TOMM70: variants seen among roughly 807,000 people sequenced by gnomAD.
The protein encoded by TOMM70 is mitochondrial import receptor subunit TOM70.
TOMM70 carries 13 observed loss-of-function variants against 73.6 expected under a neutral mutation model. The ratio of observed to expected loss-of-function variants is 0.18; its 90% confidence interval spans 0.11 to 0.28. The LOEUF (loss-of-function observed/expected upper bound fraction) is 0.28, where lower values mean the gene tolerates loss of function less well. Among genes scored for constraint, TOMM70 ranks in the 10% least tolerant of loss-of-function variants. TOMM70 has a pLI of 1.00. For synonymous variants in TOMM70, 257 were observed against 271.2 expected (o/e 0.95, Z 0.51); for missense variants, 609 against 747.5 (o/e 0.81, Z 2.16).
intron 4 of TOMM70, 90 bp downstream of exon 4, chr3:100,384,389 C>T: frequency 1.2e-6 from 1 of 838,634 alleles, no homozygotes; most frequent in Non-Finnish European, 1.8e-6. Context: ...TTGCCATTAC[C>T]ACTATGCCTA....
intron 11 of TOMM70, among the ~76,000 whole-genome samples, chr3:100,367,782 A>T (rs1473796029): frequency 1.3e-5 from 2 of 152,242 alleles, no homozygotes; most frequent in Non-Finnish European, 1.5e-5. Context: ...CTCTGATTTT[A>T]AAGAAAATTC....
intron 8 of TOMM70, among the ~76,000 whole-genome samples, chr3:100,373,112 G>A (rs1379765750): frequency 2.0e-5 from 3 of 147,488 alleles, no homozygotes; most frequent in African/African-American, 5.0e-5. Flanking sequence ...CTAACTGGAA[G>A]TATCTTATTT....
rs867422809 is a variant in TOMM70, at chr3:100,365,668, C to T, written c.1723G>A (p.Ala575Thr). ...TGGGCCATCTCCATTTCCGATTTGGCCAGGTTAATAGCTTTGTTGAACATG... is the reference window on the plus strand; with the variant it reads ...TGGGCCATCTCCATTTCCGATTTGGTCAGGTTAATAGCTTTGTTGAACATG... ...IDMFNKAINL[A>T]KSEMEMAHLY... The change falls in exon 12 of 12, where the codon GCC (alanine) becomes ACC (threonine). Residue 575 changes from alanine (A) to threonine (T), a missense_variant. This residue lies in a region of TOMM70 where 432 missense variants were observed against 584.1 expected (regional missense o/e 0.74). Transcript: ENST00000284320. 1 of 1,614,162 alleles carries T rather than the reference C, an allele frequency of 6.2e-7. No homozygotes were observed. Among genetic ancestry groups the T allele is most frequent in the Non-Finnish European group, 8.5e-7 (1 of 1,180,022 alleles).
intron 10 of TOMM70, among the ~76,000 whole-genome samples, 197 bp downstream of exon 10, chr3:100,368,841 A>C (rs1045781553): frequency 1.3e-5 from 2 of 152,090 alleles, no homozygotes; most frequent in African/African-American, 4.8e-5. Flanking sequence ...CTCCCAAAGT[A>C]CTAGGATTAC....
intron 9 of TOMM70, among the ~76,000 whole-genome samples, chr3:100,370,169 T>C (rs1483214706): frequency 1.3e-5 from 2 of 152,184 alleles, no homozygotes; most frequent in Non-Finnish European, 2.9e-5. Flanking sequence ...ATATAGAAAG[T>C]AGAAATATTT....
rs115567521 is a variant in TOMM70 at position 100,393,202 on chromosome 3, A to G, written c.325-6224T>C. On this transcript the variant is annotated intron_variant, in intron 1 of 11. Coordinates refer to ENST00000284320, the MANE Select transcript of TOMM70 (RefSeq NM_014820.5). ...AAAAAAAAAAAAAAAAAGATAGGGA[A>G]CCAACCTAAGTGCCCACTGATAAAA... 1.8e-3 allele frequency among the ~76,000 whole-genome samples: 278 copies of G among 152,128 alleles called. 1 individual carries two copies. Among genetic ancestry groups the G allele is most frequent in the African/African-American group, 6.4e-3 (267 of 41,512 alleles).
At chr3:100,382,198 A>C (rs1004302046) in intron 4 of TOMM70, among the ~76,000 whole-genome samples, 1 of 152,228 alleles carries the variant, frequency 6.6e-6, no homozygotes, top group Non-Finnish European at 1.5e-5. Context: ...TTTTAAATAA[A>C]TAAGTTTTAA....
intron 2 of TOMM70, 30 bp downstream of exon 2, chr3:100,386,774 AG>A (rs1559833815): frequency 6.3e-7 from 1 of 1,586,244 alleles, no homozygotes; most frequent in Non-Finnish European, 8.5e-7. Flanking sequence ...GAGAAAGAAA[AG>A]GAACAGAAGA....
chr3:100,397,330 A>G (rs2148895489), intron 1 of TOMM70, among the ~76,000 whole-genome samples: 1 of 152,366 alleles, frequency 6.6e-6, no homozygotes, highest in Middle Eastern at 3.4e-3. Context: ...GTAGTCTTTC[A>G]ATATTTACTG....
intron 3 of TOMM70, 106 bp from the exon 4 acceptor site, chr3:100,384,694 G>A: frequency 1.5e-6 from 1 of 657,114 alleles, no homozygotes; most frequent in Admixed American, 3.2e-5. Flanking sequence ...TAAATTCATG[G>A]CCAAATGGGA....
Position 100,384,471 on chromosome 3 carries a change from C to A in TOMM70, c.735+8G>T. On this transcript the variant is annotated splice_region_variant and intron_variant, in intron 4 of 11. Coordinates refer to ENST00000284320, the MANE Select transcript of TOMM70 (RefSeq NM_014820.5). ...TACTCCCCCATTCCCCAAATCAGAT[C>A]AATTTACCTTATATTTTTCTTTGGC... 6.3e-7 allele frequency: 1 copy of A among 1,587,308 alleles called. No individual in the cohort carries two copies. Among genetic ancestry groups the A allele is most frequent in the South Asian group, 1.1e-5 (1 of 88,746 alleles).
At chr3:100,397,167 C>G (rs1310629222) in intron 1 of TOMM70, among the ~76,000 whole-genome samples, 1 of 152,164 alleles carries the variant, frequency 6.6e-6, no homozygotes, top group Non-Finnish European at 1.5e-5. Flanking sequence ...CTTCTGGTTG[C>G]GAAATCCACC....
At chr3:100,385,188 T>C (rs1706676670) in intron 3 of TOMM70, among the ~76,000 whole-genome samples, 1 of 152,226 alleles carries the variant, frequency 6.6e-6, no homozygotes, top group Admixed American at 6.5e-5. Context: ...CAAGTCAATC[T>C]GCTGATATAT....
rs749745081 is a variant in TOMM70, at chr3:100,400,734, G to A, written c.216C>T (p.Gly72=). 2 of 1,604,928 alleles carry A rather than the reference G, an allele frequency of 1.2e-6. No individual in the cohort carries two copies. The highest frequency in any genetic ancestry group is 1.3e-5 in the African/African-American group (1 of 74,696). The part of the protein sequence containing the change: ...QQRRREARGR[G]DASGLKRNSE... Reference sequence around the variant, plus strand: ...TGTTGCGCTTCAGGCCGCTGGCGTCGCCCCGGCCTCTGGCCTCCCGGCGCC... The same window carrying A: ...TGTTGCGCTTCAGGCCGCTGGCGTCACCCCGGCCTCTGGCCTCCCGGCGCC... The change falls in exon 1 of 12, where the codon GGC becomes GGT. Residue 72 remains glycine, a synonymous_variant. Transcript: ENST00000284320.
At chr3:100,393,059 C>T (rs1385894137) in intron 1 of TOMM70, among the ~76,000 whole-genome samples, 2 of 151,866 alleles carry the variant, frequency 1.3e-5, no homozygotes, top group African/African-American at 4.8e-5. Flanking sequence ...GCTTGTAATC[C>T]CAGCTAGTCG....
Position 100,386,865 on chromosome 3 carries a change from T to C in TOMM70, c.438A>G (p.Thr146=). The C allele has an allele frequency of 6.2e-7, 1 of 1,614,160 alleles. No individual in the cohort carries two copies. Among genetic ancestry groups the C allele is most frequent in the South Asian group, 1.1e-5 (1 of 91,088 alleles). Residue 146 remains threonine, a synonymous_variant, in exon 2 of 12, where the codon ACA becomes ACG. Transcript: ENST00000284320. The stretch of plus-strand genomic sequence containing the variant: ...ATGTAGAAAGGTCAACATTCTTCTC[T>C]GTAGGGCACAAGCTAATAGCCTCAG... ...CYTEAISLCP[T]EKNVDLSTFY...
rs746098688 is a variant in TOMM70, at chr3:100,387,579, AAGACAC to A, written c.325-607_325-602del. On this transcript the variant is annotated intron_variant, in intron 1 of 11. Transcript: ENST00000284320. ...GGTGCACACCACCACGTCCAGCTAA[AAGACAC>A]AGACACAGACACAGACACACACACA... Among the ~76,000 whole-genome samples the A allele has an allele frequency of 7.2e-4, 101 of 140,254 alleles. 2 individuals are homozygous for A. The highest frequency in any genetic ancestry group is 3.6e-3 in the Middle Eastern group (1 of 278). The allele number at this position is 140,254 out of a possible 152,430, so 92.0% of individuals were successfully genotyped here. A position where few individuals can be genotyped will look rare whatever the true frequency, so the allele number is the denominator to read the frequency against.
chr3:100,384,942 G>C (rs556878198), intron 3 of TOMM70, among the ~76,000 whole-genome samples: 3 of 152,206 alleles, frequency 2.0e-5, no homozygotes, highest in African/African-American at 7.2e-5. Context: ...TTGTTTATAG[G>C]CCTCAGAGTT....
At chr3:100,396,263 G>A (rs966180846) in intron 1 of TOMM70, among the ~76,000 whole-genome samples, 5 of 152,122 alleles carry the variant, frequency 3.3e-5, no homozygotes, top group South Asian at 2.1e-4. Context: ...TGCAGTCCTC[G>A]ACCCTTTACT....
Sources: gnomAD v4.1 joint callset for allele counts (sites outside exome capture counted in the v4.1 genomes callset) on GRCh38, gnomAD v4.1.1 for gene constraint, gnomAD v4.1.1 regional missense constraint, MANE v1.5 for transcripts, NCBI Gene and HGNC (gene_info 2026-07-23, HGNC 2026-07-21) for gene names.